The following XG variants were observed in gnomAD, a reference collection of about 807,000 sequenced individuals.
XG encodes the protein glycoprotein Xg.
In XG, 24 loss-of-function variants were observed where a neutral mutation model predicts 25.7. That is an observed-to-expected ratio of 0.93 (90% CI 0.68 to 1.31). The LOEUF is 1.31. XG is among the 40% of genes most tolerant of loss of function. XG has a pLI of 0.00. For missense variants in XG, 181 were observed against 187.6 expected (o/e 0.96, Z 0.21); for synonymous variants, 77 against 69.2 (o/e 1.11, Z -0.56).
intron 1 of XG, among the ~76,000 whole-genome samples, chrX:2,754,198 GA>G (rs1349773598): frequency 6.6e-6 from 1 of 152,008 alleles, no homozygotes; most frequent in African/African-American, 2.4e-5. Flanking sequence ...CCAGGGGTTC[GA>G]ACAAACCTCC....
intron 4 of XG, among the ~76,000 whole-genome samples, chrX:2,786,143 G>C (rs1173640335): frequency 9.1e-6 from 1 of 109,876 alleles, no homozygotes; most frequent in Non-Finnish European, 1.9e-5. Flanking sequence ...AGCTCCTGTG[G>C]CATTTCTCAG....
chrX:2,755,826 G>A (rs1050769115), intron 1 of XG, among the ~76,000 whole-genome samples: 2 of 152,030 alleles, frequency 1.3e-5, no homozygotes, highest in Non-Finnish European at 2.9e-5. Context: ...GCTGGAAATG[G>A]GGCACATTCC....
At chrX:2,772,565 G>A (rs947664748) in intron 2 of XG, among the ~76,000 whole-genome samples, 1 of 152,152 alleles carries the variant, frequency 6.6e-6, no homozygotes, top group African/African-American at 2.4e-5. Flanking sequence ...GGGGACAAAA[G>A]GGAGGGACTG....
chrX:2,795,936 G>A (rs1377281959), intron 6 of XG, among the ~76,000 whole-genome samples: 1 of 110,785 alleles, frequency 9.0e-6, no homozygotes, highest in African/African-American at 3.3e-5. Flanking sequence ...GATTACAGGC[G>A]TGAGCCACTG....
chrX:2,783,698 G>C (rs764344524), intron 4 of XG, among the ~76,000 whole-genome samples: 9 of 112,839 alleles, frequency 8.0e-5, no homozygotes, highest in African/African-American at 2.9e-4. Context: ...CCTCAGGCCG[G>C]GCGTGGGGGC....
intron 1 of XG, chrX:2,752,981 A>G: frequency 7.1e-6 from 7 of 985,376 alleles, no homozygotes; most frequent in Non-Finnish European, 8.4e-6. Context: ...CATAAAGTAC[A>G]GGATTTGAAC....
chrX:2,772,804 C>A, intron 2 of XG, among the ~76,000 whole-genome samples: 1 of 152,326 alleles, frequency 6.6e-6, no homozygotes, highest in Admixed American at 6.5e-5. Flanking sequence ...GCTGCCAGTG[C>A]CTGCAAACAC....
chrX:2,782,722 C>G (rs1383174516), intron 4 of XG, among the ~76,000 whole-genome samples: 2 of 111,427 alleles, frequency 1.8e-5, no homozygotes, highest in Non-Finnish European at 3.8e-5. Context: ...ATCTCAAGCA[C>G]CGATCTTAGG....
chrX:2,777,227 C>A (rs1192071906), intron 3 of XG, among the ~76,000 whole-genome samples: 1 of 152,028 alleles, frequency 6.6e-6, no homozygotes, highest in African/African-American at 2.4e-5. Context: ...CAAAGTGAAA[C>A]TTAACTTCTG....
chrX:2,759,491 C>G (rs1431122751), intron 1 of XG, among the ~76,000 whole-genome samples: 1 of 152,094 alleles, frequency 6.6e-6, no homozygotes, highest in Admixed American at 6.6e-5. Flanking sequence ...TCAGAATGCA[C>G]TTGTAGGATC....
chrX:2,812,640 C>T (rs752442110), intron 10 of XG, among the ~76,000 whole-genome samples: 1 of 111,892 alleles, frequency 8.9e-6, no homozygotes, highest in South Asian at 3.8e-4. Context: ...GCTAATGAAC[C>T]TCCGTTTGGG....
intron 1 of XG, among the ~76,000 whole-genome samples, chrX:2,760,167 G>C (rs1410443212): frequency 6.6e-6 from 1 of 151,752 alleles, no homozygotes; most frequent in Admixed American, 6.5e-5. Flanking sequence ...GCAACAGAGC[G>C]AGACTCTGTC....
Position 2,752,192 on chromosome X carries a change from A to C in XG, c.-83A>C. On this transcript the variant is annotated 5_prime_UTR_variant, in exon 1 of 11. Coordinates refer to ENST00000644266, the MANE Select transcript of XG (RefSeq NM_001141919.2). ...CTTCCAAGCTGGGAGACCAGAAGTC[A>C]ACAACAGGAGGGTGGAGAGGCCGGG... is the stretch of plus-strand genomic sequence containing the variant. 1 of 1,596,502 alleles carries C rather than the reference A, an allele frequency of 6.3e-7. No homozygotes were observed. The highest frequency in any genetic ancestry group is 8.6e-7 in the Non-Finnish European group (1 of 1,169,352).
chrX:2,773,888 G>T (rs1484846041), intron 2 of XG, among the ~76,000 whole-genome samples: 1 of 151,976 alleles, frequency 6.6e-6, no homozygotes, highest in Non-Finnish European at 1.5e-5. Flanking sequence ...GAGGTGGCAG[G>T]AAGGAGAAAA....
chrX:2,756,533 A>G (rs2050438467), intron 1 of XG, among the ~76,000 whole-genome samples: 9 of 152,192 alleles, frequency 5.9e-5, no homozygotes, highest in Admixed American at 5.9e-4. Context: ...AATTATATAA[A>G]TGTATTAAAT....
At chrX:2,805,997 C>T (rs915236190) in intron 7 of XG, among the ~76,000 whole-genome samples, 19 of 112,064 alleles carry the variant, frequency 1.7e-4, no homozygotes, top group African/African-American at 5.5e-4. Flanking sequence ...TTAAAAATTG[C>T]TCTTAACACA....
intron 4 of XG, among the ~76,000 whole-genome samples, chrX:2,782,769 G>C (rs1251184858): frequency 9.0e-6 from 1 of 111,615 alleles, no homozygotes; most frequent in Non-Finnish European, 1.9e-5. Context: ...GAGAAACTTG[G>C]GGAGGTTCAG....
chrX:2,775,000 C>T, intron 3 of XG: 2 of 544,578 alleles, frequency 3.7e-6, no homozygotes, highest in Non-Finnish European at 6.6e-6. Context: ...TGTGATGAAA[C>T]TGGAATGTTT....
intron 9 of XG, among the ~76,000 whole-genome samples, chrX:2,808,850 A>G (rs1390618890): frequency 1.8e-5 from 2 of 111,786 alleles, no homozygotes; most frequent in Admixed American, 9.5e-5. Flanking sequence ...CTACCTTTCA[A>G]TGATCATGCA....
Sources: gnomAD v4.1 joint callset for allele counts (sites outside exome capture counted in the v4.1 genomes callset) on GRCh38, gnomAD v4.1.1 for gene constraint, MANE v1.5 for transcripts, NCBI Gene and HGNC (gene_info 2026-07-23, HGNC 2026-07-21) for gene names.